Variants in EFNA5 observed in about 807,000 individuals in gnomAD.
The protein encoded by EFNA5 is ephrin A5.
Under a neutral mutation model 22.9 loss-of-function variants are expected in EFNA5, and 5 were observed. The observed-to-expected ratio is 0.22, with a 90% CI of 0.11 to 0.46. EFNA5 has a LOEUF of 0.46. Ranked by LOEUF, EFNA5 falls within the 20% of genes least tolerant of loss-of-function variation. The pLI, the probability that EFNA5 is intolerant of heterozygous loss-of-function variation, is 0.99. For missense variants in EFNA5, 237 were observed against 293.3 expected (o/e 0.81, Z 1.40); for synonymous variants, 113 against 112.2 (o/e 1.01, Z -0.04).
At chr5:107,391,519 T>A (rs1353707396) in intron 2 of EFNA5, among the ~76,000 whole-genome samples, 1 of 151,772 alleles carries the variant, frequency 6.6e-6, no homozygotes, top group Non-Finnish European at 1.5e-5. Context: ...TGCAAACAGG[T>A]GAAAAAAAAA....
chr5:107,450,184 C>A (rs1749523194), intron 1 of EFNA5, among the ~76,000 whole-genome samples: 2 of 152,236 alleles, frequency 1.3e-5, no homozygotes, highest in South Asian at 4.1e-4. Context: ...ACGGGATATG[C>A]CACACAAAAA....
At chr5:107,492,992 C>CAA (rs34294325) in intron 1 of EFNA5, among the ~76,000 whole-genome samples, 1 of 99,374 alleles carries the variant, frequency 1.0e-5, no homozygotes, top group East Asian at 2.7e-4. Context: ...GACTCCATCT[C>CAA]AAAAAAAAAA....
rs565055862 is a variant in EFNA5 at position 107,384,676 on chromosome 5, A to C, written c.565+2559T>G. ...ACCCAGGATGGAGCACAGTGGCGTG[A>C]TCATAGCTCACTGTAGCCTCGAACT... On this transcript the variant is annotated intron_variant, in intron 4 of 4. Coordinates refer to ENST00000333274, the MANE Select transcript of EFNA5 (RefSeq NM_001962.3). Among the ~76,000 whole-genome samples the C allele has an allele frequency of 2.0e-5, 3 of 151,614 alleles. No individual in the cohort carries two copies. In the East Asian group the frequency reaches 5.9e-4, roughly 30 times the overall value.
intron 1 of EFNA5, among the ~76,000 whole-genome samples, chr5:107,444,746 T>C (rs634535): frequency 0.025 from 3,756 of 152,176 alleles, 150 homozygotes; most frequent in African/African-American, 0.085. Context: ...AAGTCAAACT[T>C]AGAAGTAAAA....
At position 107,427,009 on chromosome 5, in the gene EFNA5, A is replaced by G. The variant is rs375194214; in HGVS notation, c.418+208T>C. ...TGGTTCAGTGAACAGGCTGACACGT[A>G]ATTTCATAGGGGGAGACGCGCTCTG... On this transcript the variant is annotated intron_variant, in intron 2 of 4. Transcript: ENST00000333274. 123 of 586,018 alleles carry G rather than the reference A, an allele frequency of 2.1e-4. No homozygotes were observed. In the East Asian group the frequency reaches 3.3e-3, roughly 16 times the overall value. 36.3% of individuals were successfully genotyped at this position (586,018 alleles called of 1,614,324 possible).
chr5:107,545,218 C>G (rs950667918), intron 1 of EFNA5, among the ~76,000 whole-genome samples: 6 of 152,250 alleles, frequency 3.9e-5, no homozygotes, highest in South Asian at 2.1e-4. Flanking sequence ...CAGGGCTTGG[C>G]CGAAGGCCTT....
chr5:107,496,864 A>T (rs575114418), intron 1 of EFNA5, among the ~76,000 whole-genome samples: 23 of 152,338 alleles, frequency 1.5e-4, no homozygotes, highest in Admixed American at 1.2e-3. Flanking sequence ...GAGACAAAGT[A>T]GTTTTCAGAA....
chr5:107,432,515 T>A (rs948467238), intron 1 of EFNA5, among the ~76,000 whole-genome samples: 1 of 152,204 alleles, frequency 6.6e-6, no homozygotes, highest in South Asian at 2.1e-4. Context: ...ATTTTAACTA[T>A]AAGAATTTCT....
intron 1 of EFNA5, among the ~76,000 whole-genome samples, chr5:107,595,695 A>G (rs912681535): frequency 5.3e-5 from 8 of 152,340 alleles, no homozygotes; most frequent in Middle Eastern, 3.4e-3. Flanking sequence ...CAGTGTCCAC[A>G]AGGGATTAGA....
At chr5:107,409,288 G>A (rs1748300038) in intron 2 of EFNA5, among the ~76,000 whole-genome samples, 1 of 152,142 alleles carries the variant, frequency 6.6e-6, no homozygotes, top group African/African-American at 2.4e-5. Flanking sequence ...CAAAATTTGG[G>A]GAACCTTTTG....
At chr5:107,569,582 T>TATAA (rs1264718191) in intron 1 of EFNA5, among the ~76,000 whole-genome samples, 91 of 26,366 alleles carry the variant, frequency 3.5e-3, no homozygotes, top group Non-Finnish European at 9.2e-3. Context: ...TATATATATA[T>TATAA]ATATATATAT....
At chr5:107,617,015 T>C (rs1383099885) in intron 1 of EFNA5, among the ~76,000 whole-genome samples, 1 of 152,106 alleles carries the variant, frequency 6.6e-6, no homozygotes, top group East Asian at 1.9e-4. Context: ...GAGGAAACTC[T>C]GACCCACCCT....
chr5:107,666,215 C>A (rs1159244721), intron 1 of EFNA5, among the ~76,000 whole-genome samples: 1 of 151,812 alleles, frequency 6.6e-6, no homozygotes, highest in African/African-American at 2.4e-5. Context: ...GTCACAGTGC[C>A]GGCATACTGG....
intron 1 of EFNA5, among the ~76,000 whole-genome samples, chr5:107,620,960 G>C (rs895376794): frequency 5.3e-5 from 8 of 152,210 alleles, no homozygotes; most frequent in Non-Finnish European, 1.2e-4. Flanking sequence ...ACGTGTAAGA[G>C]AGTGAGAAAG....
At chr5:107,418,586 A>G (rs1364132299) in intron 2 of EFNA5, among the ~76,000 whole-genome samples, 3 of 152,190 alleles carry the variant, frequency 2.0e-5, no homozygotes, top group Non-Finnish European at 4.4e-5. Context: ...CCTCTGTCTC[A>G]TAATAGCATT....
chr5:107,494,553 A>G (rs1448751523), intron 1 of EFNA5, among the ~76,000 whole-genome samples: 1 of 152,196 alleles, frequency 6.6e-6, no homozygotes, highest in Non-Finnish European at 1.5e-5. Flanking sequence ...ACCCAGTCCC[A>G]TCGACCACCC....
intron 1 of EFNA5, among the ~76,000 whole-genome samples, chr5:107,569,632 C>T (rs1391461602): frequency 2.2e-5 from 3 of 137,566 alleles, no homozygotes; most frequent in Non-Finnish European, 4.6e-5. Flanking sequence ...GGAAGGATCA[C>T]CTAGGTCAGG....
chr5:107,564,742 C>T (rs1748627795), intron 1 of EFNA5, among the ~76,000 whole-genome samples: 1 of 150,042 alleles, frequency 6.7e-6, no homozygotes, highest in Non-Finnish European at 1.5e-5. Context: ...CTCAAGGGTC[C>T]TTTTTCAGAT....
intron 1 of EFNA5, among the ~76,000 whole-genome samples, chr5:107,563,900 G>A (rs764707002): frequency 1.3e-5 from 2 of 152,166 alleles, no homozygotes; most frequent in Non-Finnish European, 2.9e-5. Flanking sequence ...TTGCAGTCTT[G>A]TTCGCAAGTC....
Sources: gnomAD v4.1 joint callset for allele counts (sites outside exome capture counted in the v4.1 genomes callset) on GRCh38, gnomAD v4.1.1 for gene constraint, MANE v1.5 for transcripts, NCBI Gene and HGNC (gene_info 2026-07-23, HGNC 2026-07-21) for gene names.